BRMS1: variants seen among roughly 807,000 people sequenced by gnomAD.
BRMS1 encodes the protein BRMS1 transcriptional repressor and anoikis regulator.
A neutral mutation model predicts 40.4 loss-of-function variants in BRMS1; 26 were observed. The observed-to-expected ratio is 0.64, with a 90% CI of 0.47 to 0.89. The LOEUF (loss-of-function observed/expected upper bound fraction) is 0.89. Ranked by LOEUF, BRMS1 falls within the 40% of genes least tolerant of loss-of-function variation. BRMS1 has a pLI of 0.00. For synonymous variants in BRMS1, 103 were observed against 116.0 expected, an observed-to-expected ratio of 0.89 and a Z score of 0.72; for missense variants, 289 against 309.4, an observed-to-expected ratio of 0.93 and a Z score of 0.49.
Position 66,337,352 on chromosome 11 carries a change from T to G in BRMS1, c.*530A>C. ...GGCACGCCAGAGTCCCAGGAAAGGT[T>G]TTAATTCCAGTCCTTGGAATCTGAG... On this transcript the variant is annotated 3_prime_UTR_variant, in exon 10 of 10. Transcript: ENST00000359957. The G allele has an allele frequency of 3.0e-6, 1 of 336,120 alleles. No individual in the cohort carries two copies. Among genetic ancestry groups the G allele is most frequent in the Non-Finnish European group, 5.6e-6 (1 of 179,934 alleles). The allele number at this position is 336,120 out of a possible 1,614,324, so 20.8% of individuals were successfully genotyped here. A position where few individuals can be genotyped will look rare whatever the true frequency, so the allele number is the denominator to read the frequency against.
intron 8 of BRMS1, 153 bp from the exon 9 acceptor site, chr11:66,338,435 C>T: frequency 2.0e-6 from 3 of 1,512,386 alleles, no homozygotes; most frequent in Admixed American, 4.1e-5. Context: ...AGCTCCCATG[C>T]TCCTGACTGC....
intron 7 of BRMS1, 72 bp from the exon 8 acceptor site, chr11:66,338,857 G>C: frequency 7.0e-7 from 1 of 1,429,490 alleles, no homozygotes; most frequent in Non-Finnish European, 9.5e-7. Flanking sequence ...CTGACATTCA[G>C]GAGTGGGGGT....
intron 8 of BRMS1, 180 bp downstream of exon 8, chr11:66,338,541 C>T: frequency 1.3e-6 from 2 of 1,538,318 alleles, no homozygotes; most frequent in Non-Finnish European, 1.7e-6. Flanking sequence ...CTAGAAATCC[C>T]TTTTCCCAGG....
rs371465036 is a variant in BRMS1, at chr11:66,341,372, C to T, written c.231-39G>A. On this transcript the variant is annotated intron_variant, in intron 3 of 9. Transcript: ENST00000359957. This position sits in a 1 kb window ranked among gnomAD's most constrained non-coding sequence, Gnocchi z 4.9. ...AGGCAGCCGTGCACCCATTTGCTCACCCATCGCTCTTGGGCAAACACATAC... is the reference window on the plus strand; with the variant it reads ...AGGCAGCCGTGCACCCATTTGCTCATCCATCGCTCTTGGGCAAACACATAC... 1.1e-4 allele frequency: 173 copies of T among 1,603,600 alleles called. 1 individual carries two copies. The highest frequency in any genetic ancestry group is 1.4e-4 in the Non-Finnish European group (166 of 1,171,756).
At position 66,338,270 on chromosome 11, in the gene BRMS1, C is replaced by G. The variant is rs548623692; in HGVS notation, c.706G>C (p.Val236Leu). The G allele has an allele frequency of 3.1e-5, 50 of 1,611,102 alleles. No homozygotes were observed. In the South Asian group the frequency reaches 5.1e-4, roughly 16 times the overall value. Residue 236 changes from valine to leucine, a missense_variant, in exon 9 of 10, where the codon GTG (valine) becomes CTG (leucine). By Grantham distance (32) the Val-to-Leu change is conservative. Coordinates refer to ENST00000359957, the MANE Select transcript of BRMS1 (RefSeq NM_015399.4). Reference sequence around the variant, plus strand: ...TCCGATTTTCTCTTCTGAGGGGACACAGCTGCCCTAGCCTGGGTGGGTGAG... The same window carrying G: ...TCCGATTTTCTCTTCTGAGGGGACAGAGCTGCCCTAGCCTGGGTGGGTGAG... Reference protein sequence around the residue: ...WTAIKKARAAVSPQKRKSDGP With the variant: ...WTAIKKARAALSPQKRKSDGP
rs1179238080 is a variant in BRMS1 at position 66,342,192 on chromosome 11, C to T, written c.43G>A (p.Ala15Thr). ...PPSKDTEEMEAEGDSAAEMNG... is the reference protein window; with the variant it reads ...PPSKDTEEMETEGDSAAEMNG... ...ATCTCAGCAGCAGAATCACCCTCTG[C>T]TTCCATCTCTTCTGTGTCTTTGCTT... The change falls in exon 2 of 10, where the codon GCA becomes ACA. Residue 15 changes from alanine to threonine, a missense_variant. By Grantham distance (58) the Ala-to-Thr change is moderately conservative (BLOSUM62 0). Transcript: ENST00000359957. 1 of 1,613,714 alleles carries T rather than the reference C, an allele frequency of 6.2e-7. No individual in the cohort carries two copies. Among genetic ancestry groups the T allele is most frequent in the Non-Finnish European group, 8.5e-7 (1 of 1,180,018 alleles).
At chr11:66,340,337 T>C (rs1254291840) in intron 6 of BRMS1, 124 bp from the exon 7 acceptor site, 13 of 785,354 alleles carry the variant, frequency 1.7e-5, no homozygotes, top group Admixed American at 4.6e-5. Flanking sequence ...CACCCTGGGC[T>C]TGGGGTAGAA....
intron 9 of BRMS1, among the ~76,000 whole-genome samples, 170 bp downstream of exon 9, chr11:66,338,073 C>A (rs913162171): frequency 6.6e-6 from 1 of 152,222 alleles, no homozygotes; most frequent in Admixed American, 6.5e-5. Context: ...CATCCTGGTT[C>A]CTGCTCCTCA....
At position 66,341,531 on chromosome 11, in the gene BRMS1, A is replaced by G. The variant is rs771500932; in HGVS notation, c.230+2T>C. Reference sequence around the variant, plus strand: ...CCCAGCCCAAGGTGTCCCCACGCTCACTTCTCCTTTAGCTCCGAGAACTGC... The same window carrying G: ...CCCAGCCCAAGGTGTCCCCACGCTCGCTTCTCCTTTAGCTCCGAGAACTGC... On this transcript the variant is annotated splice_donor_variant, in intron 3 of 9. Transcript: ENST00000359957. LOFTEE classifies it high-confidence loss of function. This position sits in a 1 kb window ranked among gnomAD's most constrained non-coding sequence, Gnocchi z 4.9. 1 of 1,613,900 alleles carries G rather than the reference A, an allele frequency of 6.2e-7. No homozygotes were observed. The highest frequency in any genetic ancestry group is 2.2e-5 in the East Asian group (1 of 44,870).
At chr11:66,344,158 G>C (rs986487225) in intron 1 of BRMS1, among the ~76,000 whole-genome samples, 3 of 152,236 alleles carry the variant, frequency 2.0e-5, no homozygotes, top group Admixed American at 2.0e-4. Flanking sequence ...GGCTGCACAT[G>C]TAACTTATTT....
chr11:66,344,764 G>A (rs1272660480), intron 1 of BRMS1: 1 of 152,394 alleles, frequency 6.6e-6, no homozygotes, highest in Admixed American at 6.5e-5. Flanking sequence ...CTCTCGCAGA[G>A]GTCAATCCAG....
rs78607448 is a variant in BRMS1 at position 66,341,106 on chromosome 11, G to A, written c.359-60C>T. The A allele has an allele frequency of 6.2e-7, 1 of 1,611,922 alleles. No individual in the cohort carries two copies. The highest frequency in any genetic ancestry group is 8.5e-7 in the Non-Finnish European group (1 of 1,178,910). On this transcript the variant is annotated intron_variant, in intron 4 of 9. Coordinates refer to ENST00000359957, the MANE Select transcript of BRMS1 (RefSeq NM_015399.4). The surrounding 1 kb of genome is among the most constrained non-coding windows in gnomAD (Gnocchi z 4.9). ...GGGGAGCCCGGTGCCCACATAGGAG[G>A]GCTGAGAGCAAAGGGCAAGGCCGGG...
intron 8 of BRMS1, 101 bp from the exon 9 acceptor site, chr11:66,338,383 G>T: frequency 6.5e-7 from 1 of 1,541,528 alleles, no homozygotes; most frequent in Non-Finnish European, 8.8e-7. Context: ...TTGCCTCAGT[G>T]CTGTGCCCCC....
intron 8 of BRMS1, chr11:66,338,484 C>T: frequency 6.6e-7 from 1 of 1,511,672 alleles, no homozygotes; most frequent in Non-Finnish European, 8.9e-7. Context: ...CCGCCACCCT[C>T]CCACCCCATC....
Position 66,341,947 on chromosome 11 carries a change from C to T in BRMS1, c.139+149G>A, listed in dbSNP as rs1303527027. The T allele has an allele frequency of 8.7e-5, 71 of 814,148 alleles. 1 individual carries two copies. The highest frequency in any genetic ancestry group is 3.4e-4 in the East Asian group (12 of 35,318). 50.4% of individuals were successfully genotyped at this position (814,148 alleles called of 1,614,324 possible). A position where few individuals can be genotyped will look rare whatever the true frequency, so the allele number is the denominator to read the frequency against. ...TGTAGGGGCTGTGTGTGCGTGTGTGCGCTTGTGTGCAGGGTCTGTGTATGT... is the reference window on the plus strand; with the variant it reads ...TGTAGGGGCTGTGTGTGCGTGTGTGTGCTTGTGTGCAGGGTCTGTGTATGT... On this transcript the variant is annotated intron_variant, in intron 2 of 9. Coordinates refer to ENST00000359957, the MANE Select transcript of BRMS1 (RefSeq NM_015399.4). The surrounding 1 kb of genome is among the most constrained non-coding windows in gnomAD (Gnocchi z 4.9).
chr11:66,342,789 G>A (rs952183369), intron 1 of BRMS1, among the ~76,000 whole-genome samples: 23 of 152,158 alleles, frequency 1.5e-4, no homozygotes, highest in African/African-American at 5.3e-4. Context: ...TTGACCTACC[G>A]GTCCAGCTCC....
At position 66,337,885 on chromosome 11, in the gene BRMS1, A is replaced by G; in HGVS notation, c.738T>C (p.Pro246=). 1.9e-6 allele frequency: 3 copies of G among 1,613,560 alleles called. No individual in the cohort carries two copies. The highest frequency in any genetic ancestry group is 2.5e-6 in the Non-Finnish European group (3 of 1,179,688). The change falls in exon 10 of 10, where the codon CCT becomes CCC. Residue 246 remains proline, a synonymous_variant. Coordinates refer to ENST00000359957, the MANE Select transcript of BRMS1 (RefSeq NM_015399.4). ...VSPQKRKSDG[P] ...CCCCTGGCTGTGAACAGCAGGGTCA[A>G]GGTCCTGTGCATATGTGGGAAGAAG...
At chr11:66,344,426 A>G (rs1257053858) in intron 1 of BRMS1, among the ~76,000 whole-genome samples, 1 of 152,174 alleles carries the variant, frequency 6.6e-6, no homozygotes, top group Non-Finnish European at 1.5e-5. Flanking sequence ...AACCAGCTTC[A>G]TCTTCCCGTT....
rs1855174745 is a variant in BRMS1, at chr11:66,345,029, T to A, written c.-65A>T. 1 of 152,304 alleles carries A rather than the reference T, an allele frequency of 6.6e-6. No individual in the cohort carries two copies. The highest frequency in any genetic ancestry group is 1.5e-5 in the Non-Finnish European group (1 of 68,074). 9.4% of individuals were successfully genotyped at this position (152,304 alleles called of 1,614,324 possible). A position where few individuals can be genotyped will look rare whatever the true frequency, so the allele number is the denominator to read the frequency against. On this transcript the variant is annotated 5_prime_UTR_variant, in exon 1 of 10. Transcript: ENST00000359957. ...AGATTCCCTGAGAGCTGCCCGTGGTTGCCGGTACCGGCTGCTGCCGCCGGA... is the reference window on the plus strand; with the variant it reads ...AGATTCCCTGAGAGCTGCCCGTGGTAGCCGGTACCGGCTGCTGCCGCCGGA...
Sources: gnomAD v4.1 joint callset for allele counts (sites outside exome capture counted in the v4.1 genomes callset) on GRCh38, gnomAD v4.1.1 for gene constraint, Gnocchi (gnomAD v3.1) non-coding constraint, MANE v1.5 for transcripts, NCBI Gene and HGNC (gene_info 2026-07-23, HGNC 2026-07-21) for gene names.